LRRK2: variants seen among roughly 807,000 people sequenced by gnomAD.
LRRK2 encodes leucine-rich repeat serine/threonine-protein kinase 2.
Under a neutral mutation model 302.6 loss-of-function variants are expected in LRRK2, and 203 were observed. That is an observed-to-expected ratio of 0.67 (90% CI 0.60 to 0.75). The LOEUF (loss-of-function observed/expected upper bound fraction) is 0.75. Among genes scored for constraint, LRRK2 ranks in the 30% least tolerant of loss-of-function variants. The pLI, the probability that LRRK2 is intolerant of heterozygous loss-of-function variation, is 0.00. For missense variants in LRRK2, 2,830 were observed against 2,951.0 expected (o/e 0.96, Z 0.95); for synonymous variants, 1,066 against 1,031.9 (o/e 1.03, Z -0.63).
At chr12:40,341,101 T>G (rs1356687671) in intron 41 of LRRK2, among the ~76,000 whole-genome samples, 4 of 152,164 alleles carry the variant, frequency 2.6e-5, no homozygotes, top group Non-Finnish European at 5.9e-5. Context: ...GAAAAGCAGT[T>G]ATGGGGCCAG....
chr12:40,321,981 A>G (rs1945415920), intron 35 of LRRK2, 54 bp from the exon 36 acceptor site: 2 of 1,589,228 alleles, frequency 1.3e-6, no homozygotes, highest in Non-Finnish European at 1.7e-6. Flanking sequence ...TGTGCAGTAG[A>G]TTTTTTCCCT....
intron 7 of LRRK2, among the ~76,000 whole-genome samples, chr12:40,244,211 A>G (rs1006692798): frequency 3.9e-5 from 6 of 152,142 alleles, no homozygotes; most frequent in South Asian, 2.1e-4. Context: ...ATGATTTACT[A>G]CATTTTCATG....
At chr12:40,349,508 TTTTCTTA>T (rs969302959) in intron 43 of LRRK2, among the ~76,000 whole-genome samples, 1 of 59,094 alleles carries the variant, frequency 1.7e-5, no homozygotes, top group Non-Finnish European at 5.5e-5. Context: ...TTTGTATTCT[TTTTCTTA>T]TTTATTTATT....
intron 20 of LRRK2, among the ~76,000 whole-genome samples, chr12:40,288,015 T>A (rs531280198): frequency 2.5e-4 from 38 of 152,048 alleles, no homozygotes; most frequent in African/African-American, 8.4e-4. Flanking sequence ...AATAGCTCAC[T>A]TGAGATAACT....
chr12:40,293,653 C>A lies in LRRK2; in HGVS notation c.2798C>A (p.Ser933Tyr). The A allele has an allele frequency of 1.9e-6, 3 of 1,602,040 alleles. No homozygotes were observed. In the South Asian group the frequency reaches 3.3e-5, roughly 18 times the overall value. The change falls in exon 21 of 51, where the codon TCC (serine) becomes TAC (tyrosine). Residue 933 changes from serine to tyrosine, a missense_variant. Physicochemically the swap from Ser to Tyr is moderately radical, Grantham distance 144 (BLOSUM62 -2). This residue lies in a region of LRRK2 where 2,121 missense variants were observed against 2,148.0 expected (regional missense o/e 0.99). Coordinates refer to ENST00000298910, the MANE Select transcript of LRRK2 (RefSeq NM_198578.4). ...QRCSPNLQRH[S>Y]NSLGPIFDHE... Reference sequence around the variant, plus strand: ...TGCTCACCAAATTTGCAAAGACATTCCAATTCCTTGGTAAGTTAAATTGTG... The same window carrying A: ...TGCTCACCAAATTTGCAAAGACATTACAATTCCTTGGTAAGTTAAATTGTG...
chr12:40,234,863 C>T (rs948848569), intron 3 of LRRK2, among the ~76,000 whole-genome samples: 4 of 151,768 alleles, frequency 2.6e-5, no homozygotes, highest in African/African-American at 4.8e-5. Context: ...GGTTTGCTCT[C>T]GATGTATATA....
At chr12:40,287,142 A>G (rs2136673306) in intron 19 of LRRK2, among the ~76,000 whole-genome samples, 1 of 152,116 alleles carries the variant, frequency 6.6e-6, no homozygotes, top group South Asian at 2.1e-4. Context: ...TGTCTACATG[A>G]AAGCATTGTG....
At chr12:40,344,937 T>C (rs2136968925) in intron 41 of LRRK2, among the ~76,000 whole-genome samples, 1 of 152,208 alleles carries the variant, frequency 6.6e-6, no homozygotes, top group African/African-American at 2.4e-5. Flanking sequence ...GGAAATGTTA[T>C]CAGTTAGTGT....
intron 40 of LRRK2, among the ~76,000 whole-genome samples, chr12:40,338,288 T>A (rs1945935492): frequency 1.3e-5 from 2 of 152,188 alleles, no homozygotes; most frequent in Non-Finnish European, 2.9e-5. Flanking sequence ...CAAAGATGGC[T>A]TTGTATACTA....
At chr12:40,250,943 C>G (rs1336830260) in intron 8 of LRRK2, among the ~76,000 whole-genome samples, 1 of 149,664 alleles carries the variant, frequency 6.7e-6, no homozygotes, top group East Asian at 1.9e-4. Context: ...TGTCTTTGCT[C>G]TTGTGAATAG....
intron 14 of LRRK2, among the ~76,000 whole-genome samples, chr12:40,269,244 T>G (rs1326942014): frequency 6.6e-6 from 1 of 152,208 alleles, no homozygotes; most frequent in Non-Finnish European, 1.5e-5. Flanking sequence ...ATTAAAAATG[T>G]GGCAACAAAC....
chr12:40,346,490 G>T (rs1946193891), intron 41 of LRRK2, among the ~76,000 whole-genome samples: 1 of 152,080 alleles, frequency 6.6e-6, no homozygotes, highest in Non-Finnish European at 1.5e-5. Context: ...ATCATTCAAG[G>T]TAATTTTATT....
chr12:40,356,342 A>G (rs1946539116), intron 46 of LRRK2, among the ~76,000 whole-genome samples, 155 bp downstream of exon 46: 1 of 152,190 alleles, frequency 6.6e-6, no homozygotes, highest in African/African-American at 2.4e-5. Context: ...AACACAGTAG[A>G]TCCTCTGAAA....
At chr12:40,316,318 G>A in intron 33 of LRRK2, 1 of 985,188 alleles carries the variant, frequency 1.0e-6, no homozygotes, top group Non-Finnish European at 1.2e-6. Flanking sequence ...CTCAGTTGAG[G>A]CTAAATCCTG....
At chr12:40,335,840 C>T (rs923157848) in intron 40 of LRRK2, among the ~76,000 whole-genome samples, 2 of 152,186 alleles carry the variant, frequency 1.3e-5, no homozygotes, top group African/African-American at 2.4e-5. Flanking sequence ...TGCTCCCCAA[C>T]CCCAGTCACC....
In LRRK2 at chr12:40,316,347, C is replaced by T. The variant is rs965635335; in HGVS notation, c.4827+1047C>T. 14 of 984,802 alleles carry T rather than the reference C, an allele frequency of 1.4e-5. No homozygotes were observed. In the African/African-American group the frequency reaches 1.9e-4, roughly 14 times the overall value. 61.0% of individuals were successfully genotyped at this position (984,802 alleles called of 1,614,324 possible). A position where few individuals can be genotyped will look rare whatever the true frequency, so the allele number is the denominator to read the frequency against. On this transcript the variant is annotated intron_variant, in intron 33 of 50. Transcript: ENST00000298910. ...AATCCTGTACCATGGAACTCAAGAG[C>T]ATATTGAAACATTGCAATCAGCAAT... is the stretch of plus-strand genomic sequence containing the variant.
At chr12:40,339,756 A>T (rs1452245664) in intron 40 of LRRK2, among the ~76,000 whole-genome samples, 1 of 152,178 alleles carries the variant, frequency 6.6e-6, no homozygotes, top group East Asian at 1.9e-4. Context: ...AAAGTAGAAA[A>T]TATTTTCCAA....
chr12:40,367,834 T>C lies in LRRK2; in HGVS notation c.*69T>C. On this transcript the variant is annotated 3_prime_UTR_variant, in exon 51 of 51. Coordinates refer to ENST00000298910, the MANE Select transcript of LRRK2 (RefSeq NM_198578.4). ...CTCTTGTAAATATTTATTTTAAAAA[T>C]GTTCACATGGAAAGGGTACTCACAT... 5.3e-6 allele frequency: 8 copies of C among 1,498,040 alleles called. No homozygotes were observed. Among genetic ancestry groups the C allele is most frequent in the Non-Finnish European group, 6.3e-6 (7 of 1,103,798 alleles). The allele number at this position is 1,498,040 out of a possible 1,614,324, so 92.8% of individuals were successfully genotyped here.
rs773983418 is a variant in LRRK2 at position 40,274,551 on chromosome 12, A to G, written c.1657-32A>G. 3 of 1,611,256 alleles carry G rather than the reference A, an allele frequency of 1.9e-6. No homozygotes were observed. The African/African-American group carries it at 4.0e-5, about 22-fold the overall frequency. ...TAACTAAGGTAAGTATTAAGATCTC[A>G]TTTTTAACAGCGAGTATTCTTTTGA... On this transcript the variant is annotated intron_variant, in intron 14 of 50. Transcript: ENST00000298910.
Sources: allele counts gnomAD v4.1 joint callset (sites outside exome capture counted in the v4.1 genomes callset), GRCh38; gene constraint gnomAD v4.1.1; regional missense constraint gnomAD v4.1.1; transcripts MANE v1.5; gene names NCBI Gene and HGNC (gene_info 2026-07-23, HGNC 2026-07-21).